GALNT17: variants seen among roughly 807,000 people sequenced by gnomAD.
GALNT17 encodes the protein polypeptide N-acetylgalactosaminyltransferase 17.
A neutral mutation model predicts 63.7 loss-of-function variants in GALNT17; 29 were observed. The observed-to-expected ratio is 0.46, with a 90% CI of 0.34 to 0.62. The LOEUF is 0.62. Among genes scored for constraint, GALNT17 ranks in the 20% least tolerant of loss-of-function variants. The pLI, the probability that GALNT17 is intolerant of heterozygous loss-of-function variation, is 0.01. For synonymous variants in GALNT17, 305 were observed against 318.3 expected, an observed-to-expected ratio of 0.96 and a Z score of 0.45; for missense variants, 603 against 799.6, an observed-to-expected ratio of 0.75 and a Z score of 2.97.
chr7:71,647,778 C>G (rs1162349311), intron 6 of GALNT17, among the ~76,000 whole-genome samples: 1 of 152,234 alleles, frequency 6.6e-6, no homozygotes, highest in Non-Finnish European at 1.5e-5. Flanking sequence ...GACAGCAGTT[C>G]CACTCAAGGA....
At chr7:71,260,762 T>C (rs1362044439) in intron 1 of GALNT17, among the ~76,000 whole-genome samples, 1 of 151,822 alleles carries the variant, frequency 6.6e-6, no homozygotes, top group African/African-American at 2.4e-5. Flanking sequence ...ATCCTGATAA[T>C]TTTTATTTTT....
intron 9 of GALNT17, among the ~76,000 whole-genome samples, chr7:71,701,856 CACATATAT>C (rs1791647767): frequency 7.2e-5 from 1 of 13,862 alleles, no homozygotes; most frequent in South Asian, 1.1e-3. Flanking sequence ...TATATATATA[CACATATAT>C]ATATACATAT....
intron 5 of GALNT17, among the ~76,000 whole-genome samples, chr7:71,434,688 C>A (rs547400233): frequency 4.4e-4 from 67 of 152,232 alleles, no homozygotes; most frequent in African/African-American, 1.6e-3. Context: ...TTTTAATTTT[C>A]TTGTCCTTAA....
At chr7:71,534,416 G>A (rs968884207) in intron 5 of GALNT17, among the ~76,000 whole-genome samples, 5 of 151,980 alleles carry the variant, frequency 3.3e-5, no homozygotes, top group Admixed American at 3.3e-4. Context: ...TGGCCAACAA[G>A]GTGAAACCCC....
intron 5 of GALNT17, among the ~76,000 whole-genome samples, chr7:71,469,564 T>C (rs1323692814): frequency 8.5e-5 from 13 of 152,172 alleles, no homozygotes; most frequent in Admixed American, 5.9e-4. Context: ...AACAGCGTGA[T>C]TGGGTACAAA....
At chr7:71,161,780 A>G (rs190646710) in intron 1 of GALNT17, among the ~76,000 whole-genome samples, 97 of 152,158 alleles carry the variant, frequency 6.4e-4, no homozygotes, top group Admixed American at 2.3e-3. Context: ...CTGATTTGTA[A>G]TCGTCTTTTA....
chr7:71,631,115 G>A (rs1049455169), intron 6 of GALNT17, among the ~76,000 whole-genome samples: 4 of 152,114 alleles, frequency 2.6e-5, no homozygotes, highest in African/African-American at 4.8e-5. Flanking sequence ...AAGGGAGAGG[G>A]GAGATTGTTT....
intron 5 of GALNT17, among the ~76,000 whole-genome samples, chr7:71,469,959 A>G (rs746688138): frequency 6.6e-6 from 1 of 152,362 alleles, no homozygotes; most frequent in Middle Eastern, 3.4e-3. Flanking sequence ...CTATAATCCC[A>G]ACACTTTGGG....
At chr7:71,275,904 A>G (rs1692596880) in intron 1 of GALNT17, among the ~76,000 whole-genome samples, 1 of 152,200 alleles carries the variant, frequency 6.6e-6, no homozygotes, top group Non-Finnish European at 1.5e-5. Flanking sequence ...GAATAGAAGT[A>G]GAAATGAACT....
intron 1 of GALNT17, among the ~76,000 whole-genome samples, chr7:71,305,268 T>C (rs1252939212): frequency 6.6e-6 from 1 of 152,208 alleles, no homozygotes; most frequent in Non-Finnish European, 1.5e-5. Context: ...TTCCCGCCAG[T>C]ACTCCCATTT....
intron 5 of GALNT17, among the ~76,000 whole-genome samples, chr7:71,453,984 C>G (rs1583968299): frequency 6.6e-6 from 1 of 152,324 alleles, no homozygotes; most frequent in East Asian, 1.9e-4. Context: ...GACTCACTTG[C>G]TAATCTCCCA....
intron 1 of GALNT17, among the ~76,000 whole-genome samples, chr7:71,197,726 A>G (rs1475221812): frequency 2.6e-5 from 4 of 152,078 alleles, no homozygotes; most frequent in Non-Finnish European, 1.5e-5. Context: ...GGCTTATTTC[A>G]CTTAACATAA....
chr7:71,369,445 C>A (rs528548461), intron 2 of GALNT17, among the ~76,000 whole-genome samples: 1 of 152,152 alleles, frequency 6.6e-6, no homozygotes, highest in Admixed American at 6.6e-5. Context: ...ATGGCAGTCT[C>A]CAAGTTCGTA....
At chr7:71,211,379 A>T (rs13234592) in intron 1 of GALNT17, among the ~76,000 whole-genome samples, 1 of 152,132 alleles carries the variant, frequency 6.6e-6, no homozygotes, top group East Asian at 1.9e-4. Context: ...TTACCTCCCC[A>T]CATGATTCTG....
rs896019611 is a variant in GALNT17, at chr7:71,479,583, C to CT, written c.962+58489dup. 3.2e-4 allele frequency among the ~76,000 whole-genome samples: 47 copies of CT among 148,106 alleles called. 1 individual carries two copies. Among genetic ancestry groups the CT allele is most frequent in the East Asian group, 2.8e-3 (14 of 5,074 alleles). ...TCTCTAATTCAGTCTTAGAGAATGA[C>CT]TTTTTTTTTTTCCTGTGCTGGAACT... is the stretch of plus-strand genomic sequence containing the variant. On this transcript the variant is annotated intron_variant, in intron 5 of 10. Transcript: ENST00000333538.
At chr7:71,504,483 C>G (rs1788233313) in intron 5 of GALNT17, among the ~76,000 whole-genome samples, 1 of 152,090 alleles carries the variant, frequency 6.6e-6, no homozygotes, top group South Asian at 2.1e-4. Flanking sequence ...GTCAAATTTG[C>G]TGTCTGCTAT....
chr7:71,459,409 A>G (rs184863660), intron 5 of GALNT17, among the ~76,000 whole-genome samples: 1 of 152,370 alleles, frequency 6.6e-6, no homozygotes, highest in Admixed American at 6.5e-5. Context: ...GTCTGTTTAC[A>G]CATTAAGATA....
At chr7:71,322,455 C>T (rs1791635269) in intron 1 of GALNT17, among the ~76,000 whole-genome samples, 1 of 152,176 alleles carries the variant, frequency 6.6e-6, no homozygotes, top group Non-Finnish European at 1.5e-5. Flanking sequence ...TCTCTTGGAA[C>T]TACAAATGCT....
intron 6 of GALNT17, among the ~76,000 whole-genome samples, chr7:71,653,467 G>A (rs1321393956): frequency 3.3e-5 from 5 of 150,780 alleles, no homozygotes; most frequent in African/African-American, 1.2e-4. Flanking sequence ...GTGCAATGGT[G>A]TAATCTCAGC....
Sources: allele counts gnomAD v4.1 joint callset (sites outside exome capture counted in the v4.1 genomes callset), GRCh38; gene constraint gnomAD v4.1.1; transcripts MANE v1.5; gene names NCBI Gene and HGNC (gene_info 2026-07-23, HGNC 2026-07-21).